GSDMC: variants seen among roughly 807,000 people sequenced by gnomAD.
The protein encoded by GSDMC is gasdermin-C.
Under a neutral mutation model 58.0 loss-of-function variants are expected in GSDMC, and 59 were observed. The observed-to-expected ratio is 1.02, with a 90% CI of 0.82 to 1.26. The LOEUF (loss-of-function observed/expected upper bound fraction) is 1.26. Ranked by LOEUF, GSDMC falls within the 50% of genes most tolerant of loss-of-function variation. GSDMC has a pLI of 0.00. For synonymous variants in GSDMC, 241 were observed against 220.2 expected (o/e 1.09, Z -0.83); for missense variants, 659 against 598.5 (o/e 1.10, Z -1.06).
intron 3 of GSDMC, among the ~76,000 whole-genome samples, chr8:129,775,124 T>C (rs1008385747): frequency 6.6e-6 from 1 of 152,212 alleles, no homozygotes; most frequent in Non-Finnish European, 1.5e-5. Context: ...CCATGTTCAT[T>C]GCAGCATTAT....
rs2130332751 is a variant in GSDMC at position 129,750,493 on chromosome 8, T to C, written c.1021A>G (p.Met341Val). ...AGCATGGCCAGGATACTGTAGAACATGACATCCTGAACATCCTTTGAGAGC... is the reference window on the plus strand; with the variant it reads ...AGCATGGCCAGGATACTGTAGAACACGACATCCTGAACATCCTTTGAGAGC... ...AQLSKDVQDVMFYSILAMLRD... is the reference protein window; with the variant it reads ...AQLSKDVQDVVFYSILAMLRD... The change falls in exon 11 of 14, where the codon ATG becomes GTG. Residue 341 changes from methionine to valine, a missense_variant. By Grantham distance (21) the Met-to-Val change is conservative. Transcript: ENST00000276708. 6.2e-7 allele frequency: 1 copy of C among 1,613,556 alleles called. No homozygotes were observed. The highest frequency in any genetic ancestry group is 8.5e-7 in the Non-Finnish European group (1 of 1,179,454).
chr8:129,717,936 T>G, the GSDMC span, among the ~76,000 whole-genome samples: 9 of 152,140 alleles, frequency 5.9e-5, no homozygotes, highest in Admixed American at 3.9e-4. Context: ...AATCCTCTAT[T>G]TAATAAATGG....
downstream of GSDMC, among the ~76,000 whole-genome samples, chr8:129,747,645 A>G (rs1156579865): frequency 2.0e-5 from 3 of 152,194 alleles, no homozygotes; most frequent in African/African-American, 7.2e-5. Context: ...GCATTTTTAA[A>G]TTATTCCCCA....
At chr8:129,729,211 T>A in the GSDMC span, 2,300 of 647,032 alleles carry the variant, frequency 3.6e-3, 34 homozygotes, top group African/African-American at 0.037. Flanking sequence ...AAAGATGGCA[T>A]TTTGAGACCC....
At chr8:129,712,777 C>T in the GSDMC span, among the ~76,000 whole-genome samples, 2 of 152,218 alleles carry the variant, frequency 1.3e-5, no homozygotes, top group Non-Finnish European at 2.9e-5. Flanking sequence ...CCAAGTGAGA[C>T]CTGAAATTAA....
chr8:129,737,005 CAA>C, the GSDMC span, among the ~76,000 whole-genome samples: 20 of 152,236 alleles, frequency 1.3e-4, no homozygotes, highest in Admixed American at 1.2e-3. Context: ...AACAGACAAA[CAA>C]AGAGCCAAAT....
At chr8:129,730,448 T>C in the GSDMC span, 1 of 1,053,310 alleles carries the variant, frequency 9.5e-7, no homozygotes, top group South Asian at 1.8e-5. Flanking sequence ...AAGTTTAAGT[T>C]GATTTTTTAT....
the GSDMC span, among the ~76,000 whole-genome samples, chr8:129,713,984 TA>T: frequency 6.6e-6 from 1 of 152,118 alleles, no homozygotes; most frequent in African/African-American, 2.4e-5. Flanking sequence ...AGCAGACAGT[TA>T]TAATACTGAG....
chr8:129,722,308 A>C, the GSDMC span, among the ~76,000 whole-genome samples: 1 of 152,202 alleles, frequency 6.6e-6, no homozygotes, highest in Admixed American at 6.5e-5. Flanking sequence ...GTGAAGCTTT[A>C]ATGAATAATC....
chr8:129,720,348 C>T, the GSDMC span, among the ~76,000 whole-genome samples: 3 of 152,136 alleles, frequency 2.0e-5, no homozygotes, highest in South Asian at 4.1e-4. Flanking sequence ...TGAGTATGTA[C>T]AATGTCCTGA....
the GSDMC span, among the ~76,000 whole-genome samples, chr8:129,708,167 G>T: frequency 6.6e-6 from 1 of 152,218 alleles, no homozygotes; most frequent in Non-Finnish European, 1.5e-5. Flanking sequence ...TTAAGACTGT[G>T]GCAGCAGGGC....
chr8:129,723,533 T>C, the GSDMC span, among the ~76,000 whole-genome samples: 2 of 151,602 alleles, frequency 1.3e-5, no homozygotes, highest in Admixed American at 6.6e-5. Context: ...CCAAAAGTGC[T>C]GGGATTACAG....
At chr8:129,769,323 C>A (rs770750388) in intron 3 of GSDMC, among the ~76,000 whole-genome samples, 1 of 151,978 alleles carries the variant, frequency 6.6e-6, no homozygotes, top group South Asian at 2.1e-4. Context: ...AAGAGACAAT[C>A]GCAAATTGCT....
At chr8:129,717,253 T>TAA in the GSDMC span, among the ~76,000 whole-genome samples, 1 of 41,004 alleles carries the variant, frequency 2.4e-5, no homozygotes, top group South Asian at 4.8e-4. Context: ...TCCTGGGCTT[T>TAA]TTTTTTTTTT....
rs529196197 is a variant in GSDMC, at chr8:129,760,432, A to T, written c.721+113T>A. ...TGAATACTCCATTTTCCATTATGTG[A>T]TTATTACACATTGCATGCCTGTATC... On this transcript the variant is annotated intron_variant, in intron 6 of 13. Coordinates refer to ENST00000276708, the MANE Select transcript of GSDMC (RefSeq NM_031415.3). 5.1e-6 allele frequency: 3 copies of T among 590,322 alleles called. No individual in the cohort carries two copies. The Admixed American group carries it at 8.6e-5, about 17-fold the overall frequency. 36.6% of individuals were successfully genotyped at this position (590,322 alleles called of 1,614,324 possible). A position where few individuals can be genotyped will look rare whatever the true frequency, so the allele number is the denominator to read the frequency against.
the GSDMC span, among the ~76,000 whole-genome samples, chr8:129,738,833 A>T: frequency 6.6e-6 from 1 of 152,168 alleles, no homozygotes; most frequent in Non-Finnish European, 1.5e-5. Flanking sequence ...AAATACTTCT[A>T]AAGCAATCTA....
chr8:129,718,085 G>T, the GSDMC span, among the ~76,000 whole-genome samples: 1 of 152,016 alleles, frequency 6.6e-6, no homozygotes, highest in Admixed American at 6.5e-5. Flanking sequence ...AGAAAACATA[G>T]TCAATACTAT....
At position 129,765,620 on chromosome 8, in the gene GSDMC, C is replaced by T. The variant is rs968495910; in HGVS notation, c.570+8G>A. On this transcript the variant is annotated splice_region_variant and intron_variant, in intron 4 of 13. Transcript: ENST00000276708. ...GAATTTCAATCCCACTTCAGGACAA[C>T]TTTATACCTTGCCATAGGTAATCCA... 6.2e-7 allele frequency: 1 copy of T among 1,609,886 alleles called. No homozygotes were observed. Among genetic ancestry groups the T allele is most frequent in the Non-Finnish European group, 8.5e-7 (1 of 1,176,378 alleles).
chr8:129,709,630 A>AGATAGATAGAT, the GSDMC span, among the ~76,000 whole-genome samples: 61 of 152,188 alleles, frequency 4.0e-4, no homozygotes, highest in African/African-American at 1.4e-3. Flanking sequence ...ATAGATAGAT[A>AGATAGATAGAT]GATAGATATG....
Sources: gnomAD v4.1 joint callset for allele counts (sites outside exome capture counted in the v4.1 genomes callset) on GRCh38, gnomAD v4.1.1 for gene constraint, MANE v1.5 for transcripts, NCBI Gene and HGNC (gene_info 2026-07-23, HGNC 2026-07-21) for gene names.